LRRC8D: variants seen among roughly 807,000 people sequenced by gnomAD.
LRRC8D encodes the protein volume-regulated anion channel subunit LRRC8D.
A neutral mutation model predicts 55.8 loss-of-function variants in LRRC8D; 20 were observed. The observed-to-expected ratio is 0.36, with a 90% confidence interval of 0.25 to 0.52. The LOEUF is 0.52. Among genes scored for constraint, LRRC8D ranks in the 20% least tolerant of loss-of-function variants. LRRC8D has a pLI of 0.93. For missense variants in LRRC8D, 651 were observed against 1,030.8 expected (o/e 0.63, Z 5.05); for synonymous variants, 352 against 377.0 (o/e 0.93, Z 0.77).
chr1:89,824,598 A>AT (rs946599700), intron 1 of LRRC8D, among the ~76,000 whole-genome samples: 3 of 151,574 alleles, frequency 2.0e-5, no homozygotes, highest in Admixed American at 6.6e-5. Context: ...GTCTCCTTGA[A>AT]TTTTTTTTTC....
chr1:89,924,007 A>T (rs1240552152), intron 2 of LRRC8D, among the ~76,000 whole-genome samples: 1 of 152,256 alleles, frequency 6.6e-6, no homozygotes, highest in African/African-American at 2.4e-5. Context: ...ACTATTCTGG[A>T]TGTTGGCCTT....
At chr1:89,821,597 C>T (rs1215449176) in intron 1 of LRRC8D, among the ~76,000 whole-genome samples, 2 of 152,178 alleles carry the variant, frequency 1.3e-5, no homozygotes, top group Admixed American at 6.5e-5. Flanking sequence ...GCTCCTGAAC[C>T]CCTCGCGCGC....
intron 2 of LRRC8D, among the ~76,000 whole-genome samples, chr1:89,910,872 G>A (rs539068464): frequency 2.6e-5 from 4 of 152,264 alleles, no homozygotes; most frequent in African/African-American, 4.8e-5. Context: ...TGAATGGCAA[G>A]ATACAGCCCA....
intron 2 of LRRC8D, among the ~76,000 whole-genome samples, chr1:89,905,745 C>G (rs1362365753): frequency 6.6e-6 from 1 of 152,196 alleles, no homozygotes; most frequent in Admixed American, 6.5e-5. Flanking sequence ...GGGAAAGCTG[C>G]TTTCCCCCAG....
Position 89,933,608 on chromosome 1 carries a change from C to A in LRRC8D, c.540C>A (p.Ser180Arg). 1 of 1,614,148 alleles carries A rather than the reference C, an allele frequency of 6.2e-7. No homozygotes were observed. The change falls in exon 3 of 3, where the codon AGC becomes AGA. Residue 180 changes from serine (S) to arginine (R), a missense_variant. Around this residue, in one of 5 missense-constraint regions of LRRC8D, gnomAD observed 178 missense variants for 374.9 expected, o/e 0.47. Transcript: ENST00000337338. The surrounding 1 kb of genome is among the most constrained non-coding windows in gnomAD (Gnocchi z 7.0). ...LIHTIILMVS[S>R]NFWFKYPKTC... Reference sequence around the variant, plus strand: ...ATACTATTATTCTCATGGTCAGTAGCAACTTTTGGTTCAAATATCCCAAAA... The same window carrying A: ...ATACTATTATTCTCATGGTCAGTAGAAACTTTTGGTTCAAATATCCCAAAA...
At chr1:89,932,387 G>A (rs1344096018) in intron 2 of LRRC8D, among the ~76,000 whole-genome samples, 1 of 152,196 alleles carries the variant, frequency 6.6e-6, no homozygotes, top group Non-Finnish European at 1.5e-5. Context: ...AGTGTGTATA[G>A]TAAGACTCCT....
chr1:89,922,269 T>C (rs1334326481), intron 2 of LRRC8D, among the ~76,000 whole-genome samples: 1 of 152,108 alleles, frequency 6.6e-6, no homozygotes, highest in East Asian at 1.9e-4. Flanking sequence ...TTCATCATGT[T>C]GGCCAGGCTG....
chr1:89,895,471 T>C (rs1662683078), intron 2 of LRRC8D, among the ~76,000 whole-genome samples: 1 of 150,514 alleles, frequency 6.6e-6, no homozygotes, highest in Middle Eastern at 3.2e-3. Flanking sequence ...ACACTGTGTG[T>C]AAATATATGT....
At chr1:89,882,366 T>C (rs74385457) in intron 2 of LRRC8D, among the ~76,000 whole-genome samples, 4,801 of 152,346 alleles carry the variant, frequency 0.032, 263 homozygotes, top group African/African-American at 0.11. Context: ...TACTACGTGC[T>C]GTGCACTGGA....
intron 2 of LRRC8D, among the ~76,000 whole-genome samples, chr1:89,892,990 A>G (rs1394303472): frequency 6.6e-6 from 1 of 152,238 alleles, no homozygotes; most frequent in East Asian, 1.9e-4. Context: ...TATTTATTAA[A>G]CAGATAATCT....
chr1:89,856,316 T>C (rs1661551393), intron 2 of LRRC8D, among the ~76,000 whole-genome samples: 1 of 152,160 alleles, frequency 6.6e-6, no homozygotes, highest in Non-Finnish European at 1.5e-5. Flanking sequence ...AGGCATCTGC[T>C]ACAGTAATCT....
At chr1:89,889,701 G>T (rs1662513182) in intron 2 of LRRC8D, among the ~76,000 whole-genome samples, 1 of 151,756 alleles carries the variant, frequency 6.6e-6, no homozygotes, top group Admixed American at 6.6e-5. Context: ...GGCGAACATG[G>T]TGAAACCCCG....
Position 89,843,775 on chromosome 1 carries a change from T to A in LRRC8D, c.-10T>A. On this transcript the variant is annotated 5_prime_UTR_variant, in exon 2 of 3. Coordinates refer to ENST00000337338, the MANE Select transcript of LRRC8D (RefSeq NM_001134479.2). Reference sequence around the variant, plus strand: ...GCCCTGAGAGAACAGGGTGGCCGCTTGGTCCAGGTGCGCGGGGTCGGGTCT... The same window carrying A: ...GCCCTGAGAGAACAGGGTGGCCGCTAGGTCCAGGTGCGCGGGGTCGGGTCT... The A allele has an allele frequency of 1.5e-6, 1 of 684,696 alleles. No individual in the cohort carries two copies. Among genetic ancestry groups the A allele is most frequent in the South Asian group, 1.5e-5 (1 of 65,814 alleles). The allele number at this position is 684,696 out of a possible 1,614,324, so 42.4% of individuals were successfully genotyped here. A position where few individuals can be genotyped will look rare whatever the true frequency, so the allele number is the denominator to read the frequency against.
At chr1:89,927,829 G>A (rs1258597603) in intron 2 of LRRC8D, among the ~76,000 whole-genome samples, 2 of 152,200 alleles carry the variant, frequency 1.3e-5, no homozygotes, top group African/African-American at 4.8e-5. Flanking sequence ...TTTCAGGAAT[G>A]TGCTCTCTAT....
chr1:89,843,562 CGCCCTGCACTCCTTCCTCCCCGCT>C, intron 1 of LRRC8D, 52 bp from the exon 2 acceptor site: 2 of 690,582 alleles, frequency 2.9e-6, no homozygotes, highest in Non-Finnish European at 5.3e-6. Flanking sequence ...GCCTCCCCGC[CGCCCTGCACTCCTTCCTCCCCGCT>C]GCCGACACTT....
At chr1:89,832,696 G>A (rs2186183) in intron 1 of LRRC8D, among the ~76,000 whole-genome samples, 148,602 of 152,298 alleles carry the variant, frequency 0.98, 72,591 homozygotes, top group Middle Eastern at 1. Context: ...ACAGATGGAA[G>A]TCCTGGAAGA....
At chr1:89,847,787 G>T (rs929484491) in intron 2 of LRRC8D, among the ~76,000 whole-genome samples, 3 of 152,076 alleles carry the variant, frequency 2.0e-5, no homozygotes, top group Non-Finnish European at 2.9e-5. Context: ...GTTTTACTTC[G>T]TATCTCTTAT....
intron 2 of LRRC8D, among the ~76,000 whole-genome samples, chr1:89,895,809 T>C (rs1662694064): frequency 6.6e-6 from 1 of 152,224 alleles, no homozygotes; most frequent in Admixed American, 6.5e-5. Flanking sequence ...TAAAGCAGTT[T>C]ACATCTATGT....
At chr1:89,825,372 C>T (rs1570797175) in intron 1 of LRRC8D, among the ~76,000 whole-genome samples, 2 of 152,320 alleles carry the variant, frequency 1.3e-5, no homozygotes, top group South Asian at 4.1e-4. Flanking sequence ...TTGTTCAAGT[C>T]TGTTGCAAGC....
Sources: allele counts gnomAD v4.1 joint callset (sites outside exome capture counted in the v4.1 genomes callset), GRCh38; gene constraint gnomAD v4.1.1; regional missense constraint gnomAD v4.1.1; non-coding constraint Gnocchi (gnomAD v3.1); transcripts MANE v1.5; gene names NCBI Gene and HGNC (gene_info 2026-07-23, HGNC 2026-07-21).